SGPP2: variants seen among roughly 807,000 people sequenced by gnomAD.
SGPP2 encodes the protein sphingosine-1-phosphate phosphatase 2, also known as sphingosine 1-phosphate phosphohydrolase 2.
In SGPP2, 30 loss-of-function variants were observed where a neutral mutation model predicts 33.9. The ratio of observed to expected loss-of-function variants is 0.89; its 90% CI spans 0.66 to 1.20. SGPP2 has a LOEUF of 1.20. Among genes scored for constraint, SGPP2 ranks in the 50% most tolerant of loss-of-function variants. SGPP2 has a pLI of 0.00. For missense variants in SGPP2, 458 were observed against 532.1 expected (o/e 0.86, Z 1.37); for synonymous variants, 233 against 225.0 (o/e 1.04, Z -0.32).
At chr2:222,492,476 G>C (rs1234469924) in intron 2 of SGPP2, among the ~76,000 whole-genome samples, 2 of 152,356 alleles carry the variant, frequency 1.3e-5, no homozygotes, top group Middle Eastern at 3.4e-3. Flanking sequence ...TTTAGCCACA[G>C]CTGGAGCTGA....
chr2:222,444,312 G>A (rs1432985720), intron 1 of SGPP2, among the ~76,000 whole-genome samples: 1 of 152,186 alleles, frequency 6.6e-6, no homozygotes, highest in African/African-American at 2.4e-5. Context: ...GGATTTGCGT[G>A]GTAGGAGTTT....
intron 2 of SGPP2, among the ~76,000 whole-genome samples, chr2:222,510,476 G>A (rs975438189): frequency 1.3e-5 from 2 of 152,188 alleles, no homozygotes; most frequent in East Asian, 3.8e-4. Flanking sequence ...GTAAATCCCA[G>A]CAGTTTGCAG....
intron 2 of SGPP2, among the ~76,000 whole-genome samples, chr2:222,489,639 G>T (rs1374453899): frequency 2.0e-5 from 3 of 151,962 alleles, no homozygotes; most frequent in African/African-American, 7.3e-5. Context: ...CAGTCAAAAG[G>T]GTGTGTCTTT....
In SGPP2 at chr2:222,525,048, T is replaced by C. The variant is rs377747131; in HGVS notation, c.648+15T>C. The C allele has an allele frequency of 6.2e-7, 1 of 1,603,922 alleles. No homozygotes were observed. The highest frequency in any genetic ancestry group is 1.1e-5 in the South Asian group (1 of 90,666). ...ATACGGTCCTGGTAAGGCTTTGTGGTCAGGTCTTGTGGTGATTGTTTGAAT... is the reference window on the plus strand; with the variant it reads ...ATACGGTCCTGGTAAGGCTTTGTGGCCAGGTCTTGTGGTGATTGTTTGAAT... On this transcript the variant is annotated intron_variant, in intron 4 of 4. Coordinates refer to ENST00000321276, the MANE Select transcript of SGPP2 (RefSeq NM_152386.4).
At chr2:222,447,269 C>T (rs1697412221) in intron 1 of SGPP2, among the ~76,000 whole-genome samples, 1 of 152,224 alleles carries the variant, frequency 6.6e-6, no homozygotes, top group Non-Finnish European at 1.5e-5. Flanking sequence ...CACCTCCCTA[C>T]TTCTCACTGA....
intron 2 of SGPP2, among the ~76,000 whole-genome samples, chr2:222,495,922 T>C (rs979745833): frequency 3.9e-5 from 6 of 152,172 alleles, no homozygotes; most frequent in Non-Finnish European, 7.3e-5. Context: ...ATGGTTTTAG[T>C]ATCCTGACCC....
chr2:222,484,162 T>G (rs1698070042), intron 2 of SGPP2, among the ~76,000 whole-genome samples: 1 of 152,202 alleles, frequency 6.6e-6, no homozygotes, highest in African/African-American at 2.4e-5. Context: ...AACAAATAAG[T>G]TTAGATCTCT....
chr2:222,458,881 T>C (rs1321240687), intron 1 of SGPP2, among the ~76,000 whole-genome samples: 1 of 152,216 alleles, frequency 6.6e-6, no homozygotes, highest in Admixed American at 6.5e-5. Flanking sequence ...ACTTTTAAAG[T>C]GGTTTCCCTA....
At chr2:222,501,966 G>A (rs1380566702) in intron 2 of SGPP2, among the ~76,000 whole-genome samples, 2 of 152,036 alleles carry the variant, frequency 1.3e-5, no homozygotes, top group Non-Finnish European at 2.9e-5. Flanking sequence ...TCTTTATGGT[G>A]AAACACAAGT....
chr2:222,491,971 A>G (rs1236409675), intron 2 of SGPP2, among the ~76,000 whole-genome samples: 5 of 152,220 alleles, frequency 3.3e-5, no homozygotes, highest in African/African-American at 9.6e-5. Flanking sequence ...GTGCATGTCT[A>G]AAATCCAGCA....
intron 1 of SGPP2, among the ~76,000 whole-genome samples, chr2:222,454,854 T>C (rs764080861): frequency 6.6e-6 from 1 of 152,086 alleles, no homozygotes; most frequent in South Asian, 2.1e-4. Context: ...TAAGAACCCG[T>C]AGATGGCTAC....
At position 222,524,929 on chromosome 2, in the gene SGPP2, C is replaced by T. The variant is rs1260953411; in HGVS notation, c.559-15C>T. 1 of 1,606,268 alleles carries T rather than the reference C, an allele frequency of 6.2e-7. No individual in the cohort carries two copies. On this transcript the variant is annotated splice_polypyrimidine_tract_variant and intron_variant, in intron 3 of 4. Transcript: ENST00000321276. Reference sequence around the variant, plus strand: ...GTGTGATCTAATTCCCTTGTTTTTTCTCCTTCCCCCACAGTATCCATTTGT... The same window carrying T: ...GTGTGATCTAATTCCCTTGTTTTTTTTCCTTCCCCCACAGTATCCATTTGT...
intron 2 of SGPP2, among the ~76,000 whole-genome samples, chr2:222,487,641 G>A (rs1223262322): frequency 6.6e-6 from 1 of 152,160 alleles, no homozygotes; most frequent in Non-Finnish European, 1.5e-5. Flanking sequence ...GAGACCTGGA[G>A]TGAGCAAACG....
At chr2:222,537,909 A>G (rs1454132918) in intron 4 of SGPP2, among the ~76,000 whole-genome samples, 1 of 152,232 alleles carries the variant, frequency 6.6e-6, no homozygotes, top group Non-Finnish European at 1.5e-5. Flanking sequence ...CCTAATCTCT[A>G]AAACCTGGAA....
At chr2:222,466,524 C>G (rs1027572069) in intron 1 of SGPP2, among the ~76,000 whole-genome samples, 2 of 152,144 alleles carry the variant, frequency 1.3e-5, no homozygotes, top group African/African-American at 4.8e-5. Context: ...TCCCAAAGTG[C>G]TGGGATTACA....
At chr2:222,487,654 A>G (rs1005518937) in intron 2 of SGPP2, among the ~76,000 whole-genome samples, 11 of 152,154 alleles carry the variant, frequency 7.2e-5, no homozygotes, top group Non-Finnish European at 1.6e-4. Flanking sequence ...AGCAAACGAG[A>G]CATGGGGTTT....
Position 222,546,221 on chromosome 2 carries a change from T to C in SGPP2, c.649-12126T>C, listed in dbSNP as rs79847477. On this transcript the variant is annotated intron_variant, in intron 4 of 4. Transcript: ENST00000321276. ...GACACCTGCATAAAATTAATTCATG[T>C]GCATAGGCCTGTGGCATAGTTGGAT... is the stretch of plus-strand genomic sequence containing the variant. 2.0e-4 allele frequency among the ~76,000 whole-genome samples: 31 copies of C among 152,344 alleles called. No individual in the cohort carries two copies. The East Asian group carries it at 4.2e-3, about 21-fold the overall frequency.
At chr2:222,483,068 C>T (rs1044198977) in intron 2 of SGPP2, among the ~76,000 whole-genome samples, 2 of 152,022 alleles carry the variant, frequency 1.3e-5, no homozygotes, top group Non-Finnish European at 2.9e-5. Flanking sequence ...GAAAGTTGGG[C>T]GGGACAACAT....
chr2:222,533,682 T>C (rs1360581258), intron 4 of SGPP2, among the ~76,000 whole-genome samples: 4 of 152,120 alleles, frequency 2.6e-5, no homozygotes, highest in African/African-American at 2.4e-5. Context: ...GGCCTTGACC[T>C]TCATCAGAAG....
Sources: gnomAD v4.1 joint callset for allele counts (sites outside exome capture counted in the v4.1 genomes callset) on GRCh38, gnomAD v4.1.1 for gene constraint, MANE v1.5 for transcripts, NCBI Gene and HGNC (gene_info 2026-07-23, HGNC 2026-07-21) for gene names.